The following DENND2A variants were observed in gnomAD, a reference collection of about 807,000 sequenced individuals.
The protein encoded by DENND2A is DENN domain containing 2A.
In DENND2A, 53 loss-of-function variants were observed where a neutral mutation model predicts 105.3. The ratio of observed to expected loss-of-function variants is 0.50; its 90% CI spans 0.40 to 0.63. The LOEUF is 0.63. Ranked by LOEUF, DENND2A falls within the 30% of genes least tolerant of loss-of-function variation. The pLI, the probability that DENND2A is intolerant of heterozygous loss-of-function variation, is 0.00. For synonymous variants in DENND2A, 522 were observed against 508.4 expected, an observed-to-expected ratio of 1.03 and a Z score of -0.36; for missense variants, 1,138 against 1,279.6, an observed-to-expected ratio of 0.89 and a Z score of 1.69.
At chr7:140,526,874 G>T (rs1796072524) in intron 15 of DENND2A, among the ~76,000 whole-genome samples, 2 of 152,176 alleles carry the variant, frequency 1.3e-5, no homozygotes, top group South Asian at 4.1e-4. Context: ...AACTCCAGAA[G>T]TGCCAAGCAG....
At chr7:140,589,164 G>A (rs1373510344) in intron 3 of DENND2A, among the ~76,000 whole-genome samples, 1 of 152,182 alleles carries the variant, frequency 6.6e-6, no homozygotes, top group African/African-American at 2.4e-5. Flanking sequence ...GTTGGAGACT[G>A]ATGCTTTTAA....
intron 2 of DENND2A, among the ~76,000 whole-genome samples, chr7:140,603,645 A>G (rs1381138799): frequency 1.3e-5 from 2 of 152,250 alleles, no homozygotes; most frequent in African/African-American, 2.4e-5. Flanking sequence ...TTGGTGGTCA[A>G]TAAATATCTG....
intron 9 of DENND2A, among the ~76,000 whole-genome samples, chr7:140,561,924 C>T (rs981470881): frequency 2.1e-4 from 32 of 151,928 alleles, no homozygotes; most frequent in African/African-American, 7.5e-4. Flanking sequence ...GACTCTTGCT[C>T]TGTCACCGAG....
chr7:140,573,207 G>A (rs1263143537), intron 6 of DENND2A, among the ~76,000 whole-genome samples: 1 of 152,140 alleles, frequency 6.6e-6, no homozygotes, highest in African/African-American at 2.4e-5. Flanking sequence ...TTAAATCTAA[G>A]GCTCAGCTGG....
chr7:140,634,286 C>A (rs867013733), intron 1 of DENND2A, among the ~76,000 whole-genome samples: 1 of 152,250 alleles, frequency 6.6e-6, no homozygotes, highest in Middle Eastern at 3.4e-3. Context: ...GCGTGAGCCA[C>A]CGCGCCCGGC....
At chr7:140,567,296 AAGAGAGAAAGAGAGAGAGAGAGAGAG>A in intron 8 of DENND2A, 23 bp from the exon 9 acceptor site, 9 of 830,714 alleles carry the variant, frequency 1.1e-5, no homozygotes, top group African/African-American at 2.2e-5. Context: ...GGGAGAGAGA[AAGAGAGAAAGAGAGAGAGAGAGAGAG>A]AGAGAGAGAG....
intron 3 of DENND2A, among the ~76,000 whole-genome samples, chr7:140,599,035 T>C (rs1262280978): frequency 6.6e-6 from 1 of 152,124 alleles, no homozygotes; most frequent in Non-Finnish European, 1.5e-5. Context: ...TAAGCTCTAC[T>C]AGATATTAAA....
chr7:140,613,532 T>G (rs1799976112), intron 1 of DENND2A, among the ~76,000 whole-genome samples: 1 of 142,124 alleles, frequency 7.0e-6, no homozygotes, highest in Non-Finnish European at 1.5e-5. Context: ...AGAGTGAGAC[T>G]CTGTCTCAAA....
chr7:140,562,676 AAAC>A (rs1554468990), intron 9 of DENND2A, among the ~76,000 whole-genome samples: 7 of 142,006 alleles, frequency 4.9e-5, no homozygotes, highest in Admixed American at 3.4e-4. Flanking sequence ...CAAACAAACA[AAAC>A]AACAACAACA....
intron 1 of DENND2A, among the ~76,000 whole-genome samples, chr7:140,620,850 T>G (rs1800262194): frequency 6.6e-6 from 1 of 152,212 alleles, no homozygotes; most frequent in Non-Finnish European, 1.5e-5. Flanking sequence ...GATGTTTCAA[T>G]GGGTCCAAAG....
Position 140,569,538 on chromosome 7 carries a change from G to C in DENND2A, c.1540+107C>G, listed in dbSNP as rs997658390. The C allele has an allele frequency of 6.2e-6, 5 of 803,206 alleles. No individual in the cohort carries two copies. The African/African-American group carries it at 8.4e-5, about 14-fold the overall frequency. 49.8% of individuals were successfully genotyped at this position (803,206 alleles called of 1,614,324 possible). ...AGTGCGGGACATTTACAAAGCATCA[G>C]CTTGTTCTCCTCCTTGGTGAGCCAA... On this transcript the variant is annotated intron_variant, in intron 7 of 19. Coordinates refer to ENST00000496613, the MANE Select transcript of DENND2A (RefSeq NM_015689.5).
At chr7:140,520,811 G>A (rs1386051490) in intron 18 of DENND2A, among the ~76,000 whole-genome samples, 4 of 151,588 alleles carry the variant, frequency 2.6e-5, no homozygotes, top group African/African-American at 7.3e-5. Flanking sequence ...TGCCCGCCTC[G>A]GCCTCTCAAA....
At chr7:140,554,755 C>G (rs1262522936) in intron 12 of DENND2A, among the ~76,000 whole-genome samples, 2 of 152,156 alleles carry the variant, frequency 1.3e-5, no homozygotes, top group African/African-American at 4.8e-5. Flanking sequence ...CTCCTATATA[C>G]CAATCCAGAA....
intron 14 of DENND2A, among the ~76,000 whole-genome samples, chr7:140,541,731 A>G (rs1160170504): frequency 6.6e-6 from 1 of 152,180 alleles, no homozygotes; most frequent in Non-Finnish European, 1.5e-5. Context: ...CAAGGCTTAC[A>G]GAGAGGGCCT....
intron 1 of DENND2A, among the ~76,000 whole-genome samples, chr7:140,631,695 TCAC>T (rs1441026991): frequency 6.6e-6 from 1 of 152,160 alleles, no homozygotes; most frequent in Non-Finnish European, 1.5e-5. Context: ...CAGATGACAG[TCAC>T]CACAAGATGC....
At chr7:140,525,627 G>T (rs1434921257) in intron 16 of DENND2A, 124 bp downstream of exon 16, 5 of 846,850 alleles carry the variant, frequency 5.9e-6, no homozygotes, top group African/African-American at 5.3e-5. Context: ...CCGTCCTGGG[G>T]TCACACAGCT....
At chr7:140,539,849 AG>A (rs1460460039) in intron 14 of DENND2A, among the ~76,000 whole-genome samples, 3 of 152,188 alleles carry the variant, frequency 2.0e-5, no homozygotes, top group Non-Finnish European at 4.4e-5. Flanking sequence ...CCATCTCTTC[AG>A]GTCTGCATGG....
At chr7:140,630,073 C>CTCTT in intron 1 of DENND2A, among the ~76,000 whole-genome samples, 1 of 151,432 alleles carries the variant, frequency 6.6e-6, no homozygotes. Context: ...GTTGGCCAGG[C>CTCTT]TGGTCTCGAA....
At chr7:140,598,359 C>CCTGT (rs1799360241) in intron 3 of DENND2A, among the ~76,000 whole-genome samples, 1 of 152,094 alleles carries the variant, frequency 6.6e-6, no homozygotes, top group African/African-American at 2.4e-5. Context: ...AATAAGAGTG[C>CCTGT]CTGTGAGTGA....
Sources: allele counts gnomAD v4.1 joint callset (sites outside exome capture counted in the v4.1 genomes callset), GRCh38; gene constraint gnomAD v4.1.1; transcripts MANE v1.5; gene names NCBI Gene and HGNC (gene_info 2026-07-23, HGNC 2026-07-21).